Variants in SORBS2 observed in about 807,000 individuals in gnomAD.
SORBS2 encodes sorbin and SH3 domain-containing protein 2.
Under a neutral mutation model 97.7 loss-of-function variants are expected in SORBS2, and 46 were observed. That is an observed-to-expected ratio of 0.47 (90% CI 0.37 to 0.60). SORBS2 has a LOEUF of 0.60. Among genes scored for constraint, SORBS2 ranks in the 20% least tolerant of loss-of-function variants. The probability of loss-of-function intolerance (pLI) is 0.00; values close to 1 mark genes in which losing one functional copy is unlikely to be tolerated. For missense variants in SORBS2, 1,316 were observed against 1,282.3 expected (o/e 1.03, Z -0.40); for synonymous variants, 476 against 473.4 (o/e 1.01, Z -0.07).
At chr4:185,756,496 C>A (rs1022683460) in intron 2 of SORBS2, among the ~76,000 whole-genome samples, 2 of 152,054 alleles carry the variant, frequency 1.3e-5, no homozygotes, top group Non-Finnish European at 2.9e-5. Flanking sequence ...AATATTTAAG[C>A]CACCTAAAAA....
At chr4:185,845,378 A>G (rs1221722567) in intron 1 of SORBS2, among the ~76,000 whole-genome samples, 1 of 152,178 alleles carries the variant, frequency 6.6e-6, no homozygotes, top group Non-Finnish European at 1.5e-5. Context: ...GAAGGTAGTG[A>G]ATATCACTGA....
chr4:185,868,281 C>T (rs569996326), intron 1 of SORBS2, among the ~76,000 whole-genome samples: 31 of 151,184 alleles, frequency 2.1e-4, no homozygotes, highest in South Asian at 4.2e-4. Context: ...CTCAGCTTCC[C>T]GAGTAGCTGG....
intron 1 of SORBS2, among the ~76,000 whole-genome samples, chr4:185,880,170 C>A (rs927821557): frequency 1.3e-5 from 2 of 152,154 alleles, no homozygotes; most frequent in Non-Finnish European, 2.9e-5. Flanking sequence ...GCCTGACTGC[C>A]GCCTGTGTCT....
chr4:185,924,367 G>T (rs1241196719), intron 1 of SORBS2, among the ~76,000 whole-genome samples: 1 of 150,868 alleles, frequency 6.6e-6, no homozygotes, highest in Non-Finnish European at 1.5e-5. Flanking sequence ...GAGTTAATAA[G>T]AAATTATTTT....
intron 11 of SORBS2, among the ~76,000 whole-genome samples, chr4:185,613,717 A>G (rs2096581982): frequency 6.6e-6 from 1 of 151,958 alleles, no homozygotes; most frequent in African/African-American, 2.4e-5. Flanking sequence ...TAGTATACCA[A>G]GAACAGGTAG....
chr4:185,954,607 T>A (rs2099278728), intron 1 of SORBS2, among the ~76,000 whole-genome samples: 1 of 152,222 alleles, frequency 6.6e-6, no homozygotes, highest in Non-Finnish European at 1.5e-5. Context: ...ACTGAATGAA[T>A]AAACGAAGCG....
intron 1 of SORBS2, among the ~76,000 whole-genome samples, chr4:185,944,181 T>C (rs72709786): frequency 0.12 from 18,421 of 152,228 alleles, 1,382 homozygotes; most frequent in Middle Eastern, 0.24. Flanking sequence ...CAAACGCTTA[T>C]ATAGCCAACT....
intron 1 of SORBS2, among the ~76,000 whole-genome samples, chr4:185,879,176 C>CTCA (rs1491475757): frequency 1.2e-5 from 1 of 85,188 alleles, no homozygotes; most frequent in Non-Finnish European, 2.3e-5. Flanking sequence ...CCCCCCCCCC[C>CTCA]ACCCCACGAC....
chr4:185,789,030 A>G (rs1002101134), intron 1 of SORBS2, among the ~76,000 whole-genome samples: 8 of 152,194 alleles, frequency 5.3e-5, no homozygotes, highest in Admixed American at 3.3e-4. Context: ...TGAGCTGGAG[A>G]ATACATGATT....
Position 185,721,084 on chromosome 4 carries a change from C to CTTTTTTTTTTT in SORBS2, c.-197-42273_-197-42263dup, listed in dbSNP as rs1160319469. On this transcript the variant is annotated intron_variant, in intron 2 of 20. Transcript: ENST00000284776. The stretch of plus-strand genomic sequence containing the variant: ...CCTAACTCCTGCTTTCCCACCTATT[C>CTTTTTTTTTTT]TTTTTTTTTTTTTTTTTTTTTTGAG... 2.0e-3 allele frequency among the ~76,000 whole-genome samples: 188 copies of CTTTTTTTTTTT among 92,170 alleles called. 12 individuals are homozygous for CTTTTTTTTTTT. Among genetic ancestry groups the CTTTTTTTTTTT allele is most frequent in the African/African-American group, 4.4e-3 (99 of 22,694 alleles). The allele number at this position is 92,170 out of a possible 152,430, so 60.5% of individuals were successfully genotyped here. A position where few individuals can be genotyped will look rare whatever the true frequency, so the allele number is the denominator to read the frequency against.
At chr4:185,753,568 TA>T (rs968373219) in intron 2 of SORBS2, among the ~76,000 whole-genome samples, 1 of 152,174 alleles carries the variant, frequency 6.6e-6, no homozygotes, top group Non-Finnish European at 1.5e-5. Context: ...TCAGATAAAG[TA>T]AAAAAGATAA....
In SORBS2 at chr4:185,606,697, A is replaced by G. The variant is rs1225036226; in HGVS notation, c.2796+5083T>C. On this transcript the variant is annotated intron_variant, in intron 12 of 14. Transcript: ENST00000418609. The surrounding 1 kb of genome is among the most constrained non-coding windows in gnomAD (Gnocchi z 4.3). ...TTTCTCCTCCTCCTCCTCCTCTTCA[A>G]TGTGCAGGTGTGGGGTGCCCTCTGA... is the stretch of plus-strand genomic sequence containing the variant. The G allele has an allele frequency of 3.0e-6, 3 of 984,780 alleles. No homozygotes were observed. Among genetic ancestry groups the G allele is most frequent in the Admixed American group, 6.2e-5 (1 of 16,214 alleles). 61.0% of individuals were successfully genotyped at this position (984,780 alleles called of 1,614,324 possible). A position where few individuals can be genotyped will look rare whatever the true frequency, so the allele number is the denominator to read the frequency against.
At chr4:185,841,559 A>G (rs952648001) in intron 1 of SORBS2, among the ~76,000 whole-genome samples, 1 of 152,174 alleles carries the variant, frequency 6.6e-6, no homozygotes, top group Non-Finnish European at 1.5e-5. Context: ...CCCAAGAAAG[A>G]TGCGGAAGAC....
At chr4:185,904,253 G>A (rs1192150241) in intron 1 of SORBS2, among the ~76,000 whole-genome samples, 2 of 152,208 alleles carry the variant, frequency 1.3e-5, no homozygotes, top group East Asian at 1.9e-4. Flanking sequence ...CAGGATCTTC[G>A]TCTGTGTGCG....
chr4:185,628,330 GAA>G (rs35791068), intron 5 of SORBS2, among the ~76,000 whole-genome samples: 5 of 144,108 alleles, frequency 3.5e-5, no homozygotes, highest in East Asian at 2.1e-4. Context: ...GGAAATAACT[GAA>G]AAAAAAAAAA....
chr4:185,861,622 T>C (rs1021796090), intron 1 of SORBS2, among the ~76,000 whole-genome samples: 8 of 139,296 alleles, frequency 5.7e-5, no homozygotes, highest in African/African-American at 2.2e-4. Context: ...TCTTTCTTTT[T>C]TTGAGATGGA....
chr4:185,624,125 C>T (rs1449888973), exon 7 of SORBS2: 2 of 1,614,210 alleles, frequency 1.2e-6, no homozygotes, highest in Non-Finnish European at 1.7e-6. Context: ...GCCGTTACTG[C>T]GAACCTCCGG....
intron 3 of SORBS2, 82 bp downstream of exon 6, chr4:185,678,714 A>G (rs903096568): frequency 8.6e-7 from 1 of 1,165,948 alleles, no homozygotes; most frequent in Non-Finnish European, 1.2e-6. Context: ...TAAATTTAAC[A>G]TGAAGTCAGC....
At chr4:185,772,815 A>G (rs1453318291) in intron 2 of SORBS2, 1 of 152,222 alleles carries the variant, frequency 6.6e-6, no homozygotes, top group Admixed American at 6.5e-5. Context: ...TACTAATACA[A>G]TAAAGCCTCA....
Sources: allele counts gnomAD v4.1 joint callset (sites outside exome capture counted in the v4.1 genomes callset), GRCh38; gene constraint gnomAD v4.1.1; non-coding constraint Gnocchi (gnomAD v3.1); transcripts MANE v1.5; gene names NCBI Gene and HGNC (gene_info 2026-07-23, HGNC 2026-07-21).